Variants in EML1 observed in about 807,000 individuals in gnomAD.
EML1 encodes the protein EMAP like 1, also known as echinoderm microtubule-associated protein-like 1.
In EML1, 27 loss-of-function variants were observed where a neutral mutation model predicts 110.4. The ratio of observed to expected loss-of-function variants is 0.24; its 90% CI spans 0.18 to 0.34. EML1 has a LOEUF of 0.34. Among genes scored for constraint, EML1 ranks in the 10% least tolerant of loss-of-function variants. The probability of loss-of-function intolerance (pLI) is 1.00; values close to 1 mark genes in which losing one functional copy is unlikely to be tolerated. For missense variants in EML1, 741 were observed against 1,030.9 expected, an observed-to-expected ratio of 0.72 and a Z score of 3.85; for synonymous variants, 344 against 385.8, an observed-to-expected ratio of 0.89 and a Z score of 1.27.
At chr14:99,846,413 G>T (rs2058709447) in intron 1 of EML1, among the ~76,000 whole-genome samples, 1 of 151,500 alleles carries the variant, frequency 6.6e-6, no homozygotes, top group Admixed American at 6.6e-5. Context: ...CTCCCGAGTA[G>T]CTGGGACTAC....
At chr14:99,896,777 ATG>A (rs199988532) in intron 6 of EML1, among the ~76,000 whole-genome samples, 1 of 150,320 alleles carries the variant, frequency 6.7e-6, no homozygotes, top group Non-Finnish European at 1.5e-5. Flanking sequence ...GTTTGTGTGC[ATG>A]TGTGTGTGTC....
At chr14:99,809,638 T>G in intron 1 of EML1, 1 of 456,122 alleles carries the variant, frequency 2.2e-6, no homozygotes, top group Non-Finnish European at 4.4e-6. Context: ...CAACGTCTTA[T>G]CTGCGATTTC....
At chr14:99,826,087 G>A (rs2058346659) in intron 1 of EML1, among the ~76,000 whole-genome samples, 1 of 147,118 alleles carries the variant, frequency 6.8e-6, no homozygotes, top group East Asian at 2.0e-4. Flanking sequence ...AGCATTTAAA[G>A]TCTGCTTCTG....
chr14:99,923,018 A>T (rs1420824317), intron 17 of EML1, among the ~76,000 whole-genome samples: 1 of 152,118 alleles, frequency 6.6e-6, no homozygotes, highest in East Asian at 1.9e-4. Flanking sequence ...ATCATGGCTC[A>T]TTGCAGCCTT....
At chr14:99,865,491 A>G (rs759087673) in intron 2 of EML1, 23 bp from the exon 3 acceptor site, 1 of 1,612,778 alleles carries the variant, frequency 6.2e-7, no homozygotes, top group Non-Finnish European at 8.5e-7. Context: ...ACTTTCTGAT[A>G]TTATTTTCTG....
intron 3 of EML1, among the ~76,000 whole-genome samples, chr14:99,869,251 T>C (rs2059154963): frequency 6.6e-6 from 1 of 152,204 alleles, no homozygotes; most frequent in African/African-American, 2.4e-5. Flanking sequence ...ACCCACTTCA[T>C]GTCACATTTT....
chr14:99,933,609 T>C (rs1194763537), intron 17 of EML1, among the ~76,000 whole-genome samples: 1 of 152,270 alleles, frequency 6.6e-6, no homozygotes, highest in Admixed American at 6.5e-5. Flanking sequence ...TCAGATTGCC[T>C]GGGTTTCAGC....
At chr14:99,877,839 A>C (rs1277946370) in intron 3 of EML1, among the ~76,000 whole-genome samples, 4 of 152,050 alleles carry the variant, frequency 2.6e-5, no homozygotes, top group Admixed American at 6.5e-5. Flanking sequence ...CACCCACTAC[A>C]TGGCAGTAGC....
chr14:99,800,441 G>C (rs1054873169), intron 1 of EML1, among the ~76,000 whole-genome samples: 2 of 151,942 alleles, frequency 1.3e-5, no homozygotes, highest in Non-Finnish European at 2.9e-5. Flanking sequence ...ATGGCTCACT[G>C]ACCTCGAACC....
intron 1 of EML1, among the ~76,000 whole-genome samples, chr14:99,834,542 TGCACCCGTG>T (rs1468817491): frequency 3.3e-5 from 5 of 152,160 alleles, no homozygotes; most frequent in Non-Finnish European, 7.3e-5. Context: ...CCTCAGGTTA[TGCACCCGTG>T]GCCTCCCAAA....
At chr14:99,914,144 T>C in intron 13 of EML1, 35 bp from the exon 14 acceptor site, 2 of 1,588,932 alleles carry the variant, frequency 1.3e-6, no homozygotes, top group Non-Finnish European at 1.7e-6. Context: ...AATGAAATTG[T>C]ACATCTTTTC....
Position 99,911,581 on chromosome 14 carries a change from G to A in EML1, c.1494+5G>A. 6.2e-7 allele frequency: 1 copy of A among 1,611,174 alleles called. No individual in the cohort carries two copies. The highest frequency in any genetic ancestry group is 8.5e-7 in the Non-Finnish European group (1 of 1,179,496). On this transcript the variant is annotated splice_donor_5th_base_variant and intron_variant, in intron 13 of 21. Coordinates refer to ENST00000262233, the MANE Select transcript of EML1 (RefSeq NM_004434.3). ...CAAAAACTTCGTAAAACGGAGGTAA[G>A]TCATCAAGGCTACTGCTAAAATTTG...
At chr14:99,864,395 T>C (rs1412454916) in intron 2 of EML1, among the ~76,000 whole-genome samples, 7 of 152,222 alleles carry the variant, frequency 4.6e-5, no homozygotes, top group Admixed American at 3.9e-4. Context: ...GTATTATATC[T>C]AAAAACTCAT....
chr14:99,899,092 G>C (rs1197255704), intron 8 of EML1, among the ~76,000 whole-genome samples: 1 of 152,106 alleles, frequency 6.6e-6, no homozygotes, highest in African/African-American at 2.4e-5. Context: ...AAGCACTTCA[G>C]CAAGACTTTA....
chr14:99,878,250 G>A (rs2059326844), intron 3 of EML1, among the ~76,000 whole-genome samples: 1 of 151,694 alleles, frequency 6.6e-6, no homozygotes, highest in Middle Eastern at 3.4e-3. Context: ...AAGTCTTAAT[G>A]CCTCAGTTTC....
At chr14:99,822,453 G>A (rs916586011) in intron 1 of EML1, among the ~76,000 whole-genome samples, 3 of 152,160 alleles carry the variant, frequency 2.0e-5, no homozygotes, top group African/African-American at 7.2e-5. Flanking sequence ...AATATAACTA[G>A]GGTTAAAAAT....
At chr14:99,775,342 G>A (rs1357642257) in intron 1 of EML1, among the ~76,000 whole-genome samples, 1 of 152,230 alleles carries the variant, frequency 6.6e-6, no homozygotes. Context: ...ATTCAGAGGA[G>A]GGAGAAAGGG....
chr14:99,810,680 C>CTT (rs2058059787), intron 1 of EML1, among the ~76,000 whole-genome samples: 1 of 152,180 alleles, frequency 6.6e-6, no homozygotes, highest in African/African-American at 2.4e-5. Flanking sequence ...TTTTCTATGC[C>CTT]ATAAAGTGGG....
At chr14:99,806,303 C>T (rs373695833) in intron 1 of EML1, among the ~76,000 whole-genome samples, 3 of 150,302 alleles carry the variant, frequency 2.0e-5, no homozygotes, top group African/African-American at 4.9e-5. Context: ...TTTTGGTATC[C>T]GATCTCCAGA....
Sources: allele counts gnomAD v4.1 joint callset (sites outside exome capture counted in the v4.1 genomes callset), GRCh38; gene constraint gnomAD v4.1.1; transcripts MANE v1.5; gene names NCBI Gene and HGNC (gene_info 2026-07-23, HGNC 2026-07-21).